The following MICU1 variants were observed in gnomAD, a reference collection of about 807,000 sequenced individuals.
MICU1 encodes mitochondrial calcium uptake 1, also known as calcium uptake protein 1, mitochondrial.
Under a neutral mutation model 56.8 loss-of-function variants are expected in MICU1, and 45 were observed. The ratio of observed to expected loss-of-function variants is 0.79; its 90% confidence interval spans 0.62 to 1.02. The LOEUF is 1.02. Among genes scored for constraint, MICU1 ranks in the 50% least tolerant of loss-of-function variants. MICU1 has a pLI of 0.00. For synonymous variants in MICU1, 186 were observed against 195.1 expected (o/e 0.95, Z 0.39); for missense variants, 504 against 587.1 (o/e 0.86, Z 1.46).
rs542657323 is a variant in MICU1, at chr10:72,403,497, G to A, written c.1180+4432C>T. Among the ~76,000 whole-genome samples the A allele has an allele frequency of 4.1e-4, 62 of 152,040 alleles. 2 individuals are homozygous for A. In the South Asian group the frequency reaches 0.013, roughly 31 times the overall value. On this transcript the variant is annotated intron_variant, in intron 10 of 11. Coordinates refer to ENST00000361114, the MANE Select transcript of MICU1 (RefSeq NM_001195518.2). ...CTACCAAAGTGTTGGGATTATAGGT[G>A]TAAGCCACCACATGCAGCTAAAACC...
intron 1 of MICU1, among the ~76,000 whole-genome samples, chr10:72,620,547 T>G (rs1383051596): frequency 6.6e-6 from 1 of 152,204 alleles, no homozygotes; most frequent in African/African-American, 2.4e-5. Flanking sequence ...CAAGCATTAT[T>G]TGTATCCTTA....
intron 1 of MICU1, among the ~76,000 whole-genome samples, chr10:72,596,681 T>A (rs1841389798): frequency 6.6e-6 from 1 of 151,330 alleles, no homozygotes; most frequent in Non-Finnish European, 1.5e-5. Flanking sequence ...GGGACCACCC[T>A]GGCCAACATG....
intron 3 of MICU1, among the ~76,000 whole-genome samples, chr10:72,559,207 T>C (rs1840231576): frequency 6.6e-6 from 1 of 151,498 alleles, no homozygotes; most frequent in African/African-American, 2.4e-5. Context: ...GAAAAACCCA[T>C]AAAAAACAAA....
At chr10:72,561,549 T>C (rs535518907) in intron 3 of MICU1, among the ~76,000 whole-genome samples, 41 of 152,338 alleles carry the variant, frequency 2.7e-4, no homozygotes, top group African/African-American at 9.1e-4. Flanking sequence ...TGGCGGCTCA[T>C]GCCTATAAAC....
chr10:72,461,447 A>T (rs7906117), intron 8 of MICU1, among the ~76,000 whole-genome samples: 87,488 of 152,064 alleles, frequency 0.58, 26,025 homozygotes, highest in Non-Finnish European at 0.67. Flanking sequence ...CTTACTTCAC[A>T]GACTGATTCA....
intron 1 of MICU1, among the ~76,000 whole-genome samples, chr10:72,586,287 C>T (rs1284819845): frequency 1.3e-5 from 2 of 151,922 alleles, no homozygotes; most frequent in East Asian, 1.9e-4. Flanking sequence ...TCTGGAATTA[C>T]GGTTGTGAGC....
At chr10:72,499,781 G>A (rs928295496) in intron 6 of MICU1, among the ~76,000 whole-genome samples, 2 of 151,998 alleles carry the variant, frequency 1.3e-5, no homozygotes, top group East Asian at 1.9e-4. Flanking sequence ...TACATCACTC[G>A]ACCTGAAAAA....
At position 72,401,808 on chromosome 10, in the gene MICU1, GA is replaced by G. The variant is rs1464906706; in HGVS notation, c.1180+6120del. Among the ~76,000 whole-genome samples, 7 of 152,206 alleles carry G rather than the reference GA, an allele frequency of 4.6e-5. No individual in the cohort carries two copies. In the East Asian group the frequency reaches 1.3e-3, roughly 29 times the overall value. On this transcript the variant is annotated intron_variant, in intron 10 of 11. Transcript: ENST00000361114. ...CACCAGAGTGTAAACTAGCTCTCTA[GA>G]ACTATTTCATCCTGCCTAACTGAAG...
intron 10 of MICU1, among the ~76,000 whole-genome samples, chr10:72,393,744 T>A (rs186965880): frequency 6.6e-6 from 1 of 151,994 alleles, no homozygotes; most frequent in East Asian, 1.9e-4. Context: ...GACTAAGGAA[T>A]CAAGGAAAGT....
chr10:72,502,547 T>A (rs1385584194), intron 6 of MICU1, among the ~76,000 whole-genome samples: 1 of 152,328 alleles, frequency 6.6e-6, no homozygotes, highest in East Asian at 1.9e-4. Flanking sequence ...TCTAGCTGGT[T>A]TTCTGTGGCC....
intron 10 of MICU1, among the ~76,000 whole-genome samples, chr10:72,394,607 C>T (rs1351508745): frequency 6.7e-6 from 1 of 149,654 alleles, no homozygotes; most frequent in Middle Eastern, 3.4e-3. Context: ...GTCTAGGTGA[C>T]AAAGACTCTG....
rs761808815 is a variant in MICU1 at position 72,375,869 on chromosome 10, G to A, written c.1184C>T (p.Thr395Ile). The part of the protein sequence containing the change: ...HMAGASLDKV[T>I]MQQVARTVAK... ...CACTGTCCTGGCCACCTGCTGCATG[G>A]TCACTGAAAAAAGAAAGAGGTGCAT... is the stretch of plus-strand genomic sequence containing the variant. Residue 395 changes from threonine to isoleucine, a missense_variant, in exon 11 of 12, where the codon ACC becomes ATC. Coordinates refer to ENST00000361114, the MANE Select transcript of MICU1 (RefSeq NM_001195518.2). 2.5e-6 allele frequency: 4 copies of A among 1,610,936 alleles called. No homozygotes were observed. In the South Asian group the frequency reaches 4.4e-5, roughly 18 times the overall value.
intron 11 of MICU1, among the ~76,000 whole-genome samples, chr10:72,370,096 C>T (rs1862281951): frequency 6.6e-6 from 1 of 152,136 alleles, no homozygotes; most frequent in African/African-American, 2.4e-5. Context: ...CCAGGATGGT[C>T]TCAATCTCCT....
intron 9 of MICU1, among the ~76,000 whole-genome samples, chr10:72,415,594 T>C (rs1589192584): frequency 6.6e-6 from 1 of 152,202 alleles, no homozygotes; most frequent in African/African-American, 2.4e-5. Context: ...TCTTCATATC[T>C]TTATCCCTTC....
intron 5 of MICU1, among the ~76,000 whole-genome samples, chr10:72,530,374 T>TAATAATAATGCC (rs1839445585): frequency 6.7e-6 from 1 of 148,546 alleles, no homozygotes; most frequent in Non-Finnish European, 1.5e-5. Flanking sequence ...ATAATAATAA[T>TAATAATAATGCC]GCCAGAATAT....
chr10:72,421,490 G>A (rs534453304), intron 9 of MICU1, among the ~76,000 whole-genome samples: 37 of 152,270 alleles, frequency 2.4e-4, no homozygotes, highest in Non-Finnish European at 4.9e-4. Flanking sequence ...GGCCAGGCTG[G>A]TCTTGAACTC....
In MICU1 at chr10:72,592,627, T is replaced by C. The variant is rs575778242; in HGVS notation, c.-1-25833A>G. On this transcript the variant is annotated intron_variant, in intron 1 of 11. Transcript: ENST00000361114. ...AGCATAAAAAAACACTTAGACACCA[T>C]GACAAAGTGGGATTTATTCCTAGAA... Among the ~76,000 whole-genome samples, 5 of 152,214 alleles carry C rather than the reference T, an allele frequency of 3.3e-5. No individual in the cohort carries two copies. In the East Asian group the frequency reaches 5.8e-4, roughly 18 times the overall value.
intron 4 of MICU1, among the ~76,000 whole-genome samples, chr10:72,545,763 C>T (rs893177024): frequency 1.3e-5 from 2 of 152,166 alleles, no homozygotes; most frequent in African/African-American, 4.8e-5. Context: ...CGATTCTCTA[C>T]AGAATGTAAA....
At chr10:72,523,953 G>T in intron 5 of MICU1, 1 of 1,395,118 alleles carries the variant, frequency 7.2e-7, no homozygotes, top group South Asian at 1.8e-5. Context: ...TGTCCCATTT[G>T]TTTCCCCTTA....
Sources: allele counts gnomAD v4.1 joint callset (sites outside exome capture counted in the v4.1 genomes callset), GRCh38; gene constraint gnomAD v4.1.1; transcripts MANE v1.5; gene names NCBI Gene and HGNC (gene_info 2026-07-23, HGNC 2026-07-21).